Variants in PTPRN2 observed in about 807,000 individuals in gnomAD.
PTPRN2 encodes the protein receptor-type tyrosine-protein phosphatase N2.
Under a neutral mutation model 118.8 loss-of-function variants are expected in PTPRN2, and 74 were observed. The observed-to-expected ratio is 0.62, with a 90% CI of 0.52 to 0.76. The LOEUF is 0.76. PTPRN2 is among the 30% of genes least tolerant of loss of function. The pLI, the probability that PTPRN2 is intolerant of heterozygous loss-of-function variation, is 0.00. For missense variants in PTPRN2, 1,481 were observed against 1,394.4 expected, an observed-to-expected ratio of 1.06 and a Z score of -0.99; for synonymous variants, 641 against 608.0, an observed-to-expected ratio of 1.05 and a Z score of -0.80.
intron 12 of PTPRN2, among the ~76,000 whole-genome samples, chr7:157,728,836 C>T (rs568986374): frequency 4.5e-4 from 69 of 152,340 alleles, no homozygotes; most frequent in Admixed American, 4.0e-3. Flanking sequence ...TCAAATCCCC[C>T]AGAAGAGACT....
In PTPRN2 at chr7:158,587,618, G is replaced by A; in HGVS notation, c.52C>T (p.Arg18Cys). The change falls in exon 1 of 23, where the codon CGC becomes TGC. Residue 18 changes from arginine to cysteine, a missense_variant. Physicochemically the swap from Arg to Cys is radical, Grantham distance 180 (BLOSUM62 -3). Around this residue, in one of 3 missense-constraint regions of PTPRN2, gnomAD observed 1,115 missense variants for 994.2 expected, o/e 1.12. Transcript: ENST00000389418. ...LLLLLLLLPPRVLPAAPSSVP... is the reference protein window; with the variant it reads ...LLLLLLLLPPCVLPAAPSSVP... Reference sequence around the variant, plus strand: ...GACGAAGGGGCGGCAGGCAGGACGCGTGGCGGCAGCAGCAGCAGTAGCAGC... The same window carrying A: ...GACGAAGGGGCGGCAGGCAGGACGCATGGCGGCAGCAGCAGCAGTAGCAGC... The A allele has an allele frequency of 7.3e-7, 1 of 1,361,916 alleles. No homozygotes were observed. Among genetic ancestry groups the A allele is most frequent in the South Asian group, 1.8e-5 (1 of 57,136 alleles). The allele number at this position is 1,361,916 out of a possible 1,614,324, so 84.4% of individuals were successfully genotyped here.
At chr7:158,301,037 T>A (rs1358431416) in intron 3 of PTPRN2, among the ~76,000 whole-genome samples, 1 of 152,220 alleles carries the variant, frequency 6.6e-6, no homozygotes, top group African/African-American at 2.4e-5. Context: ...GATATACAGA[T>A]GAATGGTAAC....
At chr7:158,450,485 A>C (rs117357479) in intron 2 of PTPRN2, among the ~76,000 whole-genome samples, 2 of 152,334 alleles carry the variant, frequency 1.3e-5, no homozygotes, top group East Asian at 3.9e-4. Flanking sequence ...GTGAATATTC[A>C]TCCAAACAGC....
intron 2 of PTPRN2, among the ~76,000 whole-genome samples, chr7:158,366,387 CCCA>C (rs1239006609): frequency 2.0e-5 from 1 of 49,866 alleles, no homozygotes; most frequent in African/African-American, 4.7e-5. Flanking sequence ...CGCACACACA[CCCA>C]CACACCCACA....
chr7:158,422,151 T>A (rs1187803450), intron 2 of PTPRN2, among the ~76,000 whole-genome samples: 1 of 152,240 alleles, frequency 6.6e-6, no homozygotes. Context: ...ACGAGCTGAC[T>A]GAATCTTCCT....
At chr7:158,213,206 TTGTGTGTGTGTGTGTGTG>T (rs57665784) in intron 3 of PTPRN2, among the ~76,000 whole-genome samples, 35 of 140,428 alleles carry the variant, frequency 2.5e-4, no homozygotes, top group Middle Eastern at 3.5e-3. Context: ...GGCTCTGTGC[TTGTGTGTGTGTGTGTGTG>T]TGTGTGTGTG....
At chr7:157,932,479 C>T (rs1349072582) in intron 11 of PTPRN2, among the ~76,000 whole-genome samples, 1 of 152,064 alleles carries the variant, frequency 6.6e-6, no homozygotes, top group African/African-American at 2.4e-5. Context: ...AGGTGACTTA[C>T]TTTGACATTT....
intron 12 of PTPRN2, among the ~76,000 whole-genome samples, chr7:157,704,754 G>A (rs775925164): frequency 3.3e-5 from 5 of 152,202 alleles, no homozygotes; most frequent in Non-Finnish European, 7.3e-5. Context: ...TGCAGTTTAC[G>A]GCGGCCATTC....
chr7:158,001,793 A>G (rs1805281945), intron 11 of PTPRN2, among the ~76,000 whole-genome samples: 1 of 152,220 alleles, frequency 6.6e-6, no homozygotes, highest in Non-Finnish European at 1.5e-5. Flanking sequence ...TTCCAGGAAC[A>G]TGAGTCTGCG....
At position 158,544,995 on chromosome 7, in the gene PTPRN2, T is replaced by G. The variant is rs369893533; in HGVS notation, c.112+42563A>C. Among the ~76,000 whole-genome samples the G allele has an allele frequency of 1.3e-5, 2 of 152,328 alleles. No homozygotes were observed. Among genetic ancestry groups the G allele is most frequent in the East Asian group, 3.9e-4 (2 of 5,172 alleles). ...CCTGCCCAGAAATGGGAAGGTGATC[T>G]GCATCCTCCCAGGCCCCCTCTGGAA... On this transcript the variant is annotated intron_variant, in intron 1 of 22. Coordinates refer to ENST00000389418, the MANE Select transcript of PTPRN2 (RefSeq NM_002847.5). This position sits in a 1 kb window ranked among gnomAD's most constrained non-coding sequence, Gnocchi z 4.2.
chr7:158,428,271 C>T (rs573903292), intron 2 of PTPRN2, among the ~76,000 whole-genome samples: 10 of 152,202 alleles, frequency 6.6e-5, no homozygotes, highest in Admixed American at 5.9e-4. Flanking sequence ...GTGGTGAAGG[C>T]ACAGCGGCGT....
chr7:157,708,320 G>A (rs1295064971), intron 12 of PTPRN2, among the ~76,000 whole-genome samples: 13 of 152,200 alleles, frequency 8.5e-5, no homozygotes, highest in Admixed American at 7.9e-4. Flanking sequence ...GTGCCACCCT[G>A]TGTCCCCTTA....
At chr7:157,685,980 G>C (rs1797167876) in intron 12 of PTPRN2, among the ~76,000 whole-genome samples, 1 of 152,216 alleles carries the variant, frequency 6.6e-6, no homozygotes, top group African/African-American at 2.4e-5. Context: ...CCTGCAACCT[G>C]GGAGAGGCCG....
Position 157,808,827 on chromosome 7 carries a change from A to G in PTPRN2, c.1788+89846T>C, listed in dbSNP as rs963217215. Among the ~76,000 whole-genome samples the G allele has an allele frequency of 9.9e-5, 15 of 152,274 alleles. No homozygotes were observed. In the East Asian group the frequency reaches 2.9e-3, roughly 30 times the overall value. Reference sequence around the variant, plus strand: ...CCTGGGCCTGGAATTGACCTTGTTGAAAACACTCTTTTGGATTAAGCATCT... The same window carrying G: ...CCTGGGCCTGGAATTGACCTTGTTGGAAACACTCTTTTGGATTAAGCATCT... On this transcript the variant is annotated intron_variant, in intron 12 of 22. Coordinates refer to ENST00000389418, the MANE Select transcript of PTPRN2 (RefSeq NM_002847.5). This position sits in a 1 kb window ranked among gnomAD's most constrained non-coding sequence, Gnocchi z 5.0.
chr7:157,578,239 T>A, intron 17 of PTPRN2, 99 bp from the exon 18 acceptor site: 1 of 1,346,922 alleles, frequency 7.4e-7, no homozygotes, highest in Non-Finnish European at 1.0e-6. Flanking sequence ...ATTTATTCCA[T>A]TCACAGGACA....
Position 157,576,634 on chromosome 7 carries a change from C to T in PTPRN2, c.2762G>A (p.Arg921Lys), listed in dbSNP as rs1800062317. ...WYDRGVPSSS[R>K]SLLDFRRKVN... ...ATACCTGCGGAAGTCCAGGAGGGAC[C>T]TTGAGGAGGAAGGGACTCCTCGGTC... Residue 921 changes from arginine (R) to lysine (K), a missense_variant, in exon 19 of 23, where the codon AGG becomes AAG. Coordinates refer to ENST00000389418, the MANE Select transcript of PTPRN2 (RefSeq NM_002847.5). 1 of 1,612,506 alleles carries T rather than the reference C, an allele frequency of 6.2e-7. No homozygotes were observed. The highest frequency in any genetic ancestry group is 2.2e-5 in the East Asian group (1 of 44,832).
chr7:158,435,764 TG>T (rs1047489756), intron 2 of PTPRN2, among the ~76,000 whole-genome samples: 20 of 152,208 alleles, frequency 1.3e-4, no homozygotes, highest in African/African-American at 4.6e-4. Flanking sequence ...AAAATCCTGC[TG>T]TAAGTGACAG....
chr7:157,650,004 A>C (rs953725188), intron 14 of PTPRN2, among the ~76,000 whole-genome samples: 1 of 152,018 alleles, frequency 6.6e-6, no homozygotes, highest in African/African-American at 2.4e-5. Flanking sequence ...GGACCCATTC[A>C]CTGTGCACTG....
At chr7:158,536,010 A>G (rs1825621960) in intron 1 of PTPRN2, among the ~76,000 whole-genome samples, 1 of 151,098 alleles carries the variant, frequency 6.6e-6, no homozygotes, top group African/African-American at 2.4e-5. Flanking sequence ...CCAGAACCCC[A>G]CACATAACCA....
Sources: gnomAD v4.1 joint callset for allele counts (sites outside exome capture counted in the v4.1 genomes callset) on GRCh38, gnomAD v4.1.1 for gene constraint, gnomAD v4.1.1 regional missense constraint, Gnocchi (gnomAD v3.1) non-coding constraint, MANE v1.5 for transcripts, NCBI Gene and HGNC (gene_info 2026-07-23, HGNC 2026-07-21) for gene names.